CASZ1: variants seen among roughly 807,000 people sequenced by gnomAD.
The protein encoded by CASZ1 is zinc finger protein castor homolog 1.
In CASZ1, 28 loss-of-function variants were observed where a neutral mutation model predicts 135.2. The observed-to-expected ratio is 0.21, with a 90% CI of 0.15 to 0.28. The LOEUF is 0.28. Among genes scored for constraint, CASZ1 ranks in the 10% least tolerant of loss-of-function variants. The probability of loss-of-function intolerance (pLI) is 1.00; values close to 1 mark genes in which losing one functional copy is unlikely to be tolerated. For missense variants in CASZ1, 2,161 were observed against 2,453.3 expected (o/e 0.88, Z 2.52); for synonymous variants, 1,068 against 1,073.4 (o/e 0.99, Z 0.10).
At chr1:10,692,933 A>G (rs60449700) in intron 4 of CASZ1, among the ~76,000 whole-genome samples, 8,863 of 152,264 alleles carry the variant, frequency 0.058, 350 homozygotes, top group Middle Eastern at 0.12. Flanking sequence ...AACATTTAAG[A>G]AGACAGCTGC....
chr1:10,643,508 C>T (rs1642273342), intron 18 of CASZ1, among the ~76,000 whole-genome samples, 197 bp from the exon 19 acceptor site: 1 of 152,250 alleles, frequency 6.6e-6, no homozygotes, highest in South Asian at 2.1e-4. Flanking sequence ...TGTCCAAACC[C>T]TGGGCCTCCT....
intron 3 of CASZ1, among the ~76,000 whole-genome samples, chr1:10,702,041 A>G (rs1379205731): frequency 1.3e-5 from 2 of 152,158 alleles, no homozygotes; most frequent in African/African-American, 4.8e-5. Flanking sequence ...AGCTACTGCC[A>G]AACATTAGAT....
intron 5 of CASZ1, chr1:10,661,157 T>C (rs1643009483): frequency 6.5e-6 from 1 of 154,892 alleles, no homozygotes; most frequent in Non-Finnish European, 1.4e-5. Context: ...ACAACACAGC[T>C]CAGCCAGGGG....
chr1:10,648,995 C>T (rs1442932259), intron 15 of CASZ1, 75 bp downstream of exon 15: 1 of 1,576,186 alleles, frequency 6.3e-7, no homozygotes, highest in Non-Finnish European at 8.7e-7. Flanking sequence ...CTGTACCAGC[C>T]TGAGCCCCAC....
rs78434873 is a variant in CASZ1 at position 10,765,599 on chromosome 1, C to T, written c.-233-4742G>A. ...AAACAAGGGCGGCCAACATGCAGAT[C>T]GGTCCAGGCTGGCATCTCACGGCTT... On this transcript the variant is annotated intron_variant, in intron 1 of 20. Coordinates refer to ENST00000377022, the MANE Select transcript of CASZ1 (RefSeq NM_001079843.3). 9.5e-3 allele frequency among the ~76,000 whole-genome samples: 1,442 copies of T among 152,302 alleles called. 24 individuals are homozygous for T. Among genetic ancestry groups the T allele is most frequent in the African/African-American group, 0.033 (1,385 of 41,548 alleles).
chr1:10,790,898 G>T (rs931697722), intron 1 of CASZ1, among the ~76,000 whole-genome samples: 2 of 151,644 alleles, frequency 1.3e-5, no homozygotes, highest in Non-Finnish European at 2.9e-5. Context: ...TCTAAAGTTT[G>T]GGGGGGGACA....
chr1:10,787,957 A>G (rs1023609201), intron 1 of CASZ1, among the ~76,000 whole-genome samples: 1 of 152,138 alleles, frequency 6.6e-6, no homozygotes, highest in African/African-American at 2.4e-5. Context: ...TTTTTTTTTA[A>G]AACTATGATA....
intron 2 of CASZ1, among the ~76,000 whole-genome samples, chr1:10,708,140 T>C (rs549192836): frequency 3.7e-4 from 57 of 152,308 alleles, no homozygotes; most frequent in African/African-American, 1.3e-3. Flanking sequence ...CAGAGGTAGA[T>C]GGCAAATCAG....
intron 2 of CASZ1, among the ~76,000 whole-genome samples, chr1:10,712,300 C>T (rs962226712): frequency 2.2e-4 from 33 of 152,042 alleles, no homozygotes; most frequent in African/African-American, 7.0e-4. Flanking sequence ...GAGCCACAAT[C>T]GCCTCATTGC....
At chr1:10,789,296 A>G (rs1034704928) in intron 1 of CASZ1, among the ~76,000 whole-genome samples, 2 of 76,672 alleles carry the variant, frequency 2.6e-5, no homozygotes, top group Non-Finnish European at 5.7e-5. Context: ...CCCCCACCCC[A>G]GCCTCCAGGC....
intron 1 of CASZ1, among the ~76,000 whole-genome samples, chr1:10,783,942 G>A (rs1296500581): frequency 1.4e-5 from 2 of 146,750 alleles, no homozygotes; most frequent in Non-Finnish European, 3.0e-5. Context: ...CATTTTTCAA[G>A]TGCTCACCCT....
chr1:10,659,887 G>A lies in CASZ1; in HGVS notation c.1155C>T (p.Gly385=), dbSNP rs370358970. The A allele has an allele frequency of 1.9e-6, 3 of 1,611,064 alleles. No individual in the cohort carries two copies. The highest frequency in any genetic ancestry group is 2.5e-6 in the Non-Finnish European group (3 of 1,178,972). The change falls in exon 6 of 21, where the codon GGC becomes GGT. Residue 385 remains glycine, a synonymous_variant. Transcript: ENST00000377022. ...KYDVRGIQKP[G]PAKVPPTPSL... is the part of the protein sequence containing the mutation. ...TGGGGGTGGGCGGAACCTTGGCGGGGCCTGGCTTCTGGATGCCCCGGACGT... is the reference window on the plus strand; with the variant it reads ...TGGGGGTGGGCGGAACCTTGGCGGGACCTGGCTTCTGGATGCCCCGGACGT...
chr1:10,784,933 C>T (rs1452499880), intron 1 of CASZ1, among the ~76,000 whole-genome samples: 1 of 152,148 alleles, frequency 6.6e-6, no homozygotes, highest in East Asian at 1.9e-4. Flanking sequence ...ATGAGAGGCC[C>T]CACCTCAGTC....
chr1:10,693,964 G>C, intron 3 of CASZ1, 52 bp from the exon 4 acceptor site: 1 of 1,556,694 alleles, frequency 6.4e-7, no homozygotes, highest in Non-Finnish European at 8.8e-7. Context: ...CACGGGGTTA[G>C]CGTCTCGCGG....
At chr1:10,760,201 C>G (rs1256373471) in intron 2 of CASZ1, among the ~76,000 whole-genome samples, 6 of 152,156 alleles carry the variant, frequency 3.9e-5, no homozygotes, top group African/African-American at 1.4e-4. Context: ...CCCAGGCCAG[C>G]TCCTACCACA....
chr1:10,706,644 C>T lies in CASZ1; in HGVS notation c.-76-1100G>A, dbSNP rs573584734. On this transcript the variant is annotated intron_variant, in intron 2 of 20. Transcript: ENST00000377022. The surrounding 1 kb of genome is among the most constrained non-coding windows in gnomAD (Gnocchi z 4.3). ...ATTTAGACAGATAATGCTAATTGTACTTGACACGTCCTCTTAAGGAGGGCT... is the reference window on the plus strand; with the variant it reads ...ATTTAGACAGATAATGCTAATTGTATTTGACACGTCCTCTTAAGGAGGGCT... 3.9e-5 allele frequency among the ~76,000 whole-genome samples: 6 copies of T among 152,336 alleles called. No homozygotes were observed. The East Asian group carries it at 1.2e-3, about 29-fold the overall frequency.
chr1:10,742,597 G>T (rs898182000), intron 2 of CASZ1, among the ~76,000 whole-genome samples: 1 of 152,190 alleles, frequency 6.6e-6, no homozygotes, highest in Non-Finnish European at 1.5e-5. Context: ...GCTGAATCTA[G>T]AAGTGAAGAA....
rs1640402132 is a variant in CASZ1 at position 10,762,777 on chromosome 1, C to T, written c.-233-1920G>A. On this transcript the variant is annotated intron_variant, in intron 1 of 20. Transcript: ENST00000377022. This position sits in a 1 kb window ranked among gnomAD's most constrained non-coding sequence, Gnocchi z 4.1. ...AAGGGAAACACATCTACCTCCCCAA[C>T]TCCAGGCAAGGCGCTGGCAAGACCA... 6.6e-6 allele frequency among the ~76,000 whole-genome samples: 1 copy of T among 152,204 alleles called. No homozygotes were observed. Among genetic ancestry groups the T allele is most frequent in the Admixed American group, 6.5e-5 (1 of 15,286 alleles).
intron 18 of CASZ1, 86 bp from the exon 19 acceptor site, chr1:10,643,397 G>T: frequency 6.9e-7 from 1 of 1,440,600 alleles, no homozygotes; most frequent in Non-Finnish European, 9.5e-7. Flanking sequence ...TTCTGGGCAT[G>T]GGGGCAGTGT....
Sources: gnomAD v4.1 joint callset for allele counts (sites outside exome capture counted in the v4.1 genomes callset) on GRCh38, gnomAD v4.1.1 for gene constraint, Gnocchi (gnomAD v3.1) non-coding constraint, MANE v1.5 for transcripts, NCBI Gene and HGNC (gene_info 2026-07-23, HGNC 2026-07-21) for gene names.